Variants in ZSWIM6 observed in about 807,000 individuals in gnomAD.
The protein encoded by ZSWIM6 is zinc finger SWIM domain-containing protein 6.
In ZSWIM6, 9 loss-of-function variants were observed where a neutral mutation model predicts 113.2. That is an observed-to-expected ratio of 0.08 (90% CI 0.05 to 0.14). ZSWIM6 has a LOEUF of 0.14. Among genes scored for constraint, ZSWIM6 ranks in the 10% least tolerant of loss-of-function variants. ZSWIM6 has a pLI of 1.00. For synonymous variants in ZSWIM6, 611 were observed against 606.5 expected (o/e 1.01, Z -0.11); for missense variants, 1,162 against 1,552.2 (o/e 0.75, Z 4.22).
intron 1 of ZSWIM6, among the ~76,000 whole-genome samples, chr5:61,429,573 A>G (rs1481776555): frequency 6.6e-6 from 1 of 152,190 alleles, no homozygotes; most frequent in Non-Finnish European, 1.5e-5. Flanking sequence ...AGAGTGCAAT[A>G]TGAGTGGATG....
chr5:61,535,676 G>A, intron 10 of ZSWIM6, 57 bp downstream of exon 10: 1 of 1,540,584 alleles, frequency 6.5e-7, no homozygotes, highest in Non-Finnish European at 8.8e-7. Flanking sequence ...TGGGAAGCAT[G>A]GCTGTTAACT....
chr5:61,409,953 C>T (rs1479560147), intron 1 of ZSWIM6, among the ~76,000 whole-genome samples: 5 of 152,094 alleles, frequency 3.3e-5, no homozygotes, highest in East Asian at 1.9e-4. Context: ...TTCAGGGACC[C>T]CAGATTTGTA....
chr5:61,429,504 G>A (rs1044817131), intron 1 of ZSWIM6, among the ~76,000 whole-genome samples: 31 of 152,232 alleles, frequency 2.0e-4, no homozygotes, highest in African/African-American at 7.2e-4. Flanking sequence ...TGGCCTGGAA[G>A]TGGTGCAGGT....
intron 1 of ZSWIM6, among the ~76,000 whole-genome samples, chr5:61,372,457 A>G (rs887332755): frequency 7.2e-5 from 11 of 152,206 alleles, no homozygotes; most frequent in African/African-American, 2.6e-4. Flanking sequence ...TTATTTGACA[A>G]CTCAGTAGCA....
intron 1 of ZSWIM6, among the ~76,000 whole-genome samples, chr5:61,419,680 A>G (rs961351685): frequency 7.2e-5 from 11 of 152,248 alleles, no homozygotes; most frequent in Admixed American, 2.6e-4. Flanking sequence ...AGAAAATTCT[A>G]TTAGACAGCA....
chr5:61,442,003 A>T (rs1746847952), intron 1 of ZSWIM6, among the ~76,000 whole-genome samples: 1 of 152,310 alleles, frequency 6.6e-6, no homozygotes, highest in South Asian at 2.1e-4. Flanking sequence ...TTAAGGGTTT[A>T]TGTAGCAGAG....
At position 61,490,943 on chromosome 5, in the gene ZSWIM6, G is replaced by A. The variant is rs999001472; in HGVS notation, c.1182+9G>A. The A allele has an allele frequency of 1.3e-5, 20 of 1,517,504 alleles. No homozygotes were observed. In the African/African-American group the frequency reaches 2.8e-4, roughly 22 times the overall value. 94.0% of individuals were successfully genotyped at this position (1,517,504 alleles called of 1,614,324 possible). A position where few individuals can be genotyped will look rare whatever the true frequency, so the allele number is the denominator to read the frequency against. ...ATTTGCTCTTTGCAAAGGTATGATT[G>A]TCTATTTCTAAAGAAATATTCTAAA... On this transcript the variant is annotated intron_variant, in intron 3 of 13. Coordinates refer to ENST00000252744, the MANE Select transcript of ZSWIM6 (RefSeq NM_020928.2).
chr5:61,390,122 C>A (rs1230916336), intron 1 of ZSWIM6, among the ~76,000 whole-genome samples: 1 of 152,186 alleles, frequency 6.6e-6, no homozygotes, highest in Non-Finnish European at 1.5e-5. Context: ...CAGTCGTCTG[C>A]CTGTCTACGT....
chr5:61,380,449 G>C (rs1231806494), intron 1 of ZSWIM6, among the ~76,000 whole-genome samples: 3 of 152,106 alleles, frequency 2.0e-5, no homozygotes, highest in Admixed American at 6.5e-5. Flanking sequence ...TGGTTTTCTT[G>C]CTAAACTTAA....
At chr5:61,505,601 A>ACCTTCCTTCCTTCCTTCCTT (rs1223688678) in intron 4 of ZSWIM6, among the ~76,000 whole-genome samples, 75 of 77,830 alleles carry the variant, frequency 9.6e-4, no homozygotes, top group East Asian at 2.1e-3. Flanking sequence ...TCTATGATTT[A>ACCTTCCTTCCTTCCTTCCTT]CCTTCCTTCC....
intron 1 of ZSWIM6, among the ~76,000 whole-genome samples, chr5:61,333,249 C>T (rs929618540): frequency 3.3e-5 from 5 of 152,042 alleles, no homozygotes; most frequent in South Asian, 2.1e-4. Flanking sequence ...GGGAGCACAT[C>T]CTGGAGGGCT....
rs1211263655 is a variant in ZSWIM6 at position 61,538,801 on chromosome 5, C to T, written c.2382-13C>T. ...AATAACTAGGGGCCACCTTCCTTGT[C>T]TTCTCATTATAGGTTACTAGTATTG... On this transcript the variant is annotated splice_polypyrimidine_tract_variant and intron_variant, in intron 10 of 13. Coordinates refer to ENST00000252744, the MANE Select transcript of ZSWIM6 (RefSeq NM_020928.2). 1 of 1,543,102 alleles carries T rather than the reference C, an allele frequency of 6.5e-7. No individual in the cohort carries two copies. The highest frequency in any genetic ancestry group is 1.4e-5 in the African/African-American group (1 of 72,756).
intron 2 of ZSWIM6, among the ~76,000 whole-genome samples, chr5:61,479,955 C>T (rs1747811818): frequency 1.3e-5 from 2 of 151,588 alleles, no homozygotes; most frequent in South Asian, 4.2e-4. Context: ...TTGGAGCCAA[C>T]TATTCTTAAA....
At chr5:61,403,746 C>A (rs60886975) in intron 1 of ZSWIM6, among the ~76,000 whole-genome samples, 32,668 of 152,146 alleles carry the variant, frequency 0.21, 3,705 homozygotes, top group South Asian at 0.31. Context: ...TGAGTGGAAA[C>A]CTTTTTTGGC....
intron 9 of ZSWIM6, among the ~76,000 whole-genome samples, chr5:61,533,669 G>T (rs1197453514): frequency 6.6e-6 from 1 of 152,174 alleles, no homozygotes; most frequent in Non-Finnish European, 1.5e-5. Flanking sequence ...AGGTAATTTG[G>T]TGGTTTAAGG....
chr5:61,443,137 T>TC (rs1048306383), intron 1 of ZSWIM6, among the ~76,000 whole-genome samples: 24 of 152,010 alleles, frequency 1.6e-4, no homozygotes, highest in South Asian at 2.1e-4. Flanking sequence ...TGTCATGAAC[T>TC]CCCCCAAAGA....
intron 1 of ZSWIM6, among the ~76,000 whole-genome samples, chr5:61,429,682 G>A (rs1168994459): frequency 5.3e-5 from 8 of 152,084 alleles, no homozygotes; most frequent in African/African-American, 7.2e-5. Flanking sequence ...CTTGAGAGCC[G>A]TCCTGTGTGT....
chr5:61,391,319 C>T (rs942153292), intron 1 of ZSWIM6: 18 of 829,404 alleles, frequency 2.2e-5, no homozygotes, highest in Non-Finnish European at 3.4e-5. Flanking sequence ...CCTCCCTTTA[C>T]CTGGATCTCC....
At chr5:61,390,692 T>A in intron 1 of ZSWIM6, 1 of 862,752 alleles carries the variant, frequency 1.2e-6, no homozygotes. Context: ...CCTTTGCAAT[T>A]CGGTCTTTCT....
Sources: gnomAD v4.1 joint callset for allele counts (sites outside exome capture counted in the v4.1 genomes callset) on GRCh38, gnomAD v4.1.1 for gene constraint, MANE v1.5 for transcripts, NCBI Gene and HGNC (gene_info 2026-07-23, HGNC 2026-07-21) for gene names.